The following CSMD1 variants were observed in gnomAD, a reference collection of about 807,000 sequenced individuals.
CSMD1 encodes CUB and sushi domain-containing protein 1.
CSMD1 carries 213 observed loss-of-function variants against 417.5 expected under a neutral mutation model. That is an observed-to-expected ratio of 0.51 (90% CI 0.46 to 0.57). The LOEUF is 0.57. Ranked by LOEUF, CSMD1 falls within the 20% of genes least tolerant of loss-of-function variation. The probability of loss-of-function intolerance (pLI) is 0.00; values close to 1 mark genes in which losing one functional copy is unlikely to be tolerated. For missense variants in CSMD1, 6,923 were observed against 4,529.7 expected, an observed-to-expected ratio of 1.53 and a Z score of -15.17; for synonymous variants, 2,862 against 1,736.8, an observed-to-expected ratio of 1.65 and a Z score of -16.11.
At chr8:3,583,880 C>A (rs1299283972) in intron 9 of CSMD1, among the ~76,000 whole-genome samples, 1 of 151,618 alleles carries the variant, frequency 6.6e-6, no homozygotes, top group Admixed American at 6.6e-5. Context: ...ATCTTATCAA[C>A]TGATGCAACT....
In CSMD1 at chr8:4,785,145, T is replaced by C. The variant is rs564526145; in HGVS notation, c.86-147587A>G. Among the ~76,000 whole-genome samples, 40 of 152,338 alleles carry C rather than the reference T, an allele frequency of 2.6e-4. 1 individual carries two copies. The highest frequency in any genetic ancestry group is 8.4e-4 in the African/African-American group (35 of 41,580). ...GAATTTTTAAACCATGTGGAAAAGA[T>C]AGCATGTTTCCATAGCTTTGCTGAA... On this transcript the variant is annotated intron_variant, in intron 1 of 69. Transcript: ENST00000635120.
chr8:3,739,261 C>T (rs571927929), intron 6 of CSMD1, among the ~76,000 whole-genome samples: 77 of 152,304 alleles, frequency 5.1e-4, no homozygotes, highest in Non-Finnish European at 8.1e-4. Context: ...TTTGAAACTT[C>T]TGACAAAGCT....
chr8:3,555,691 AAAAAT>A (rs1423613468), intron 10 of CSMD1, among the ~76,000 whole-genome samples: 1 of 152,228 alleles, frequency 6.6e-6, no homozygotes, highest in South Asian at 2.1e-4. Context: ...GAGGGTGCAT[AAAAAT>A]AAAATATGTG....
intron 1 of CSMD1, among the ~76,000 whole-genome samples, chr8:4,803,911 C>A (rs1423875602): frequency 2.0e-5 from 3 of 152,120 alleles, no homozygotes; most frequent in Non-Finnish European, 4.4e-5. Flanking sequence ...AAGCAGCTAG[C>A]CCACAGAGCC....
chr8:3,310,287 C>G (rs141207939), intron 23 of CSMD1, among the ~76,000 whole-genome samples: 1 of 152,132 alleles, frequency 6.6e-6, no homozygotes, highest in African/African-American at 2.4e-5. Flanking sequence ...TTTCTGTTTT[C>G]GCAGAGAGGA....
chr8:3,245,300 G>C (rs373312360), intron 26 of CSMD1, among the ~76,000 whole-genome samples: 1 of 152,048 alleles, frequency 6.6e-6, no homozygotes, highest in African/African-American at 2.4e-5. Context: ...AGTTCCTTCC[G>C]GTACCTGGGT....
In CSMD1 at chr8:3,284,295, G is replaced by T. The variant is rs553052613; in HGVS notation, c.4002C>A (p.Val1334=). The change falls in exon 26 of 70, where the codon GTC becomes GTA. Residue 1334 remains valine (V), a synonymous_variant. Coordinates refer to ENST00000635120, the MANE Select transcript of CSMD1 (RefSeq NM_033225.6). ...TGTCACTGTCCACCGGCCCGTCCCA[G>T]ACCTTGAGGATGTCGTGAGCCATCT... ...DTEMAHDILK[V]WDGPVDSDIL... The T allele has an allele frequency of 6.9e-5, 111 of 1,613,822 alleles. 2 individuals carry two copies. Among genetic ancestry groups the T allele is most frequent in the Non-Finnish European group, 8.2e-5 (97 of 1,179,890 alleles).
In CSMD1 at chr8:4,042,346, C is replaced by T. The variant is rs151207597; in HGVS notation, c.416-10247G>A. On this transcript the variant is annotated intron_variant, in intron 3 of 69. Transcript: ENST00000635120. ...ACAAAGATAAAGGGGCCAGGTGATGCCTCTTCAGAAAGAATGAAACCAAGG... is the reference window on the plus strand; with the variant it reads ...ACAAAGATAAAGGGGCCAGGTGATGTCTCTTCAGAAAGAATGAAACCAAGG... Among the ~76,000 whole-genome samples the T allele has an allele frequency of 8.8e-3, 1,335 of 152,142 alleles. 74 individuals carry two copies. Among genetic ancestry groups the T allele is most frequent in the Admixed American group, 0.079 (1,214 of 15,272 alleles).
chr8:4,974,529 G>A (rs75691141), intron 1 of CSMD1, among the ~76,000 whole-genome samples: 2,697 of 150,804 alleles, frequency 0.018, 66 homozygotes, highest in African/African-American at 0.062. Context: ...ACATAATAAC[G>A]TGAGAGTTAG....
chr8:4,795,693 G>C (rs1045545685), intron 1 of CSMD1, among the ~76,000 whole-genome samples: 4 of 152,046 alleles, frequency 2.6e-5, no homozygotes, highest in South Asian at 4.1e-4. Flanking sequence ...CTGTGAACTG[G>C]GATCCGCAGA....
At chr8:3,694,064 G>C (rs1430521600) in intron 7 of CSMD1, among the ~76,000 whole-genome samples, 2 of 151,620 alleles carry the variant, frequency 1.3e-5, no homozygotes, top group Non-Finnish European at 2.9e-5. Flanking sequence ...TAGTGTGTGT[G>C]TGTTGTGTGT....
intron 3 of CSMD1, among the ~76,000 whole-genome samples, chr8:4,073,003 A>G (rs2552128): frequency 0.012 from 1,778 of 152,296 alleles, 40 homozygotes; most frequent in African/African-American, 0.04. Flanking sequence ...AATATACTCT[A>G]TATGTAAGGA....
In CSMD1 at chr8:3,131,103, A is replaced by G. The variant is rs1373648977; in HGVS notation, c.6241+11362T>C. Among the ~76,000 whole-genome samples, 3 of 152,352 alleles carry G rather than the reference A, an allele frequency of 2.0e-5. No individual in the cohort carries two copies. In the East Asian group the frequency reaches 5.8e-4, roughly 29 times the overall value. On this transcript the variant is annotated intron_variant, in intron 41 of 69. Transcript: ENST00000635120. ...TCAAACTAATGTCTTACTGTATAAA[A>G]TAAAATACATAAGATTACAAAGGAA...
chr8:4,876,285 A>T (rs1803038686), intron 1 of CSMD1, among the ~76,000 whole-genome samples: 1 of 152,054 alleles, frequency 6.6e-6, no homozygotes, highest in Non-Finnish European at 1.5e-5. Flanking sequence ...TGCTGCAATC[A>T]TTGCTTCTTT....
intron 10 of CSMD1, among the ~76,000 whole-genome samples, chr8:3,508,370 G>A (rs1395129571): frequency 6.6e-6 from 1 of 151,706 alleles, no homozygotes; most frequent in Non-Finnish European, 1.5e-5. Flanking sequence ...GGCAGGGGGA[G>A]GGGGGAGGGA....
At chr8:3,579,391 G>A (rs188847306) in intron 9 of CSMD1, among the ~76,000 whole-genome samples, 44 of 152,180 alleles carry the variant, frequency 2.9e-4, no homozygotes, top group African/African-American at 7.9e-4. Flanking sequence ...GAAATCTTAT[G>A]GTTCTATAGT....
intron 5 of CSMD1, among the ~76,000 whole-genome samples, chr8:3,946,998 T>C (rs1811271979): frequency 6.6e-6 from 1 of 152,158 alleles, no homozygotes; most frequent in Admixed American, 6.5e-5. Flanking sequence ...ATACGTTGGA[T>C]CTCATATTTC....
intron 3 of CSMD1, among the ~76,000 whole-genome samples, chr8:4,344,492 T>A (rs966875707): frequency 3.0e-4 from 45 of 151,646 alleles, no homozygotes; most frequent in Non-Finnish European, 5.2e-4. Flanking sequence ...TCTCAATCTA[T>A]TTTTTCATTT....
At chr8:4,013,588 G>A (rs569704479) in intron 4 of CSMD1, among the ~76,000 whole-genome samples, 2 of 152,208 alleles carry the variant, frequency 1.3e-5, no homozygotes, top group East Asian at 1.9e-4. Flanking sequence ...TATTTCAACA[G>A]GACAGCAAAG....
Sources: allele counts gnomAD v4.1 joint callset (sites outside exome capture counted in the v4.1 genomes callset), GRCh38; gene constraint gnomAD v4.1.1; transcripts MANE v1.5; gene names NCBI Gene and HGNC (gene_info 2026-07-23, HGNC 2026-07-21).